The following TENM3 variants were observed in gnomAD, a reference collection of about 807,000 sequenced individuals.
The protein encoded by TENM3 is teneurin transmembrane protein 3.
TENM3 carries 63 observed loss-of-function variants against 255.1 expected under a neutral mutation model. The observed-to-expected ratio is 0.25, with a 90% CI of 0.20 to 0.30. TENM3 has a LOEUF of 0.30. TENM3 is among the 10% of genes least tolerant of loss of function. The probability of loss-of-function intolerance (pLI) is 1.00; values close to 1 mark genes in which losing one functional copy is unlikely to be tolerated. For synonymous variants in TENM3, 1,306 were observed against 1,322.3 expected (o/e 0.99, Z 0.27); for missense variants, 2,929 against 3,461.1 (o/e 0.85, Z 3.86).
At chr4:181,985,621 C>A in the TENM3 span, among the ~76,000 whole-genome samples, 1 of 152,094 alleles carries the variant, frequency 6.6e-6, no homozygotes, top group Non-Finnish European at 1.5e-5. Flanking sequence ...GTAAACCTCA[C>A]TTTGGATAAT....
chr4:181,962,727 T>C, the TENM3 span, among the ~76,000 whole-genome samples: 3 of 152,222 alleles, frequency 2.0e-5, no homozygotes, highest in Non-Finnish European at 4.4e-5. Context: ...CAGCCAAGTA[T>C]GTAGAAGACA....
At chr4:182,265,639 C>T (rs1418523316) in intron 1 of TENM3, among the ~76,000 whole-genome samples, 1 of 152,134 alleles carries the variant, frequency 6.6e-6, no homozygotes, top group South Asian at 2.1e-4. Context: ...ACCCTGAAGC[C>T]AGTCATCCAA....
the TENM3 span, among the ~76,000 whole-genome samples, chr4:181,704,683 T>C: frequency 6.6e-6 from 1 of 152,120 alleles, no homozygotes. Flanking sequence ...TGATTTGAGC[T>C]CTTTCTGCAT....
intron 2 of TENM3, among the ~76,000 whole-genome samples, chr4:182,338,826 G>A (rs1178715132): frequency 6.6e-6 from 1 of 151,984 alleles, no homozygotes; most frequent in Non-Finnish European, 1.5e-5. Context: ...ATTCAGACAT[G>A]TTGGAAATTG....
the TENM3 span, among the ~76,000 whole-genome samples, chr4:181,689,286 T>A: frequency 3.6e-3 from 548 of 152,350 alleles, 3 homozygotes; most frequent in African/African-American, 0.013. Context: ...AGCTATTTTT[T>A]AAAATCCAAT....
chr4:182,510,787 T>C (rs2151716104), intron 3 of TENM3, among the ~76,000 whole-genome samples: 1 of 152,338 alleles, frequency 6.6e-6, no homozygotes, highest in South Asian at 2.1e-4. Flanking sequence ...TCTTATTATA[T>C]ATTCTATCTT....
intron 3 of TENM3, among the ~76,000 whole-genome samples, chr4:182,444,568 A>G (rs986834522): frequency 3.3e-5 from 5 of 152,170 alleles, no homozygotes; most frequent in Admixed American, 3.3e-4. Flanking sequence ...TTTTTCCTCT[A>G]TAAGATTACA....
the TENM3 span, among the ~76,000 whole-genome samples, chr4:181,502,685 G>T: frequency 6.6e-6 from 1 of 152,164 alleles, no homozygotes; most frequent in Non-Finnish European, 1.5e-5. Context: ...TATGGGCCTG[G>T]CTTCCAGTAC....
At chr4:181,789,218 ATTTATTTTAT>A in the TENM3 span, among the ~76,000 whole-genome samples, 134 of 145,622 alleles carry the variant, frequency 9.2e-4, no homozygotes, top group African/African-American at 1.6e-3. Flanking sequence ...AGCCCCCTTT[ATTTATTTTAT>A]TTTATTTTAT....
intron 3 of TENM3, among the ~76,000 whole-genome samples, chr4:182,427,216 T>C (rs1220584913): frequency 6.6e-6 from 1 of 152,214 alleles, no homozygotes; most frequent in African/African-American, 2.4e-5. Context: ...TTGTTTGTTT[T>C]GTCTTTACAC....
At chr4:182,019,968 C>T in the TENM3 span, among the ~76,000 whole-genome samples, 1 of 152,086 alleles carries the variant, frequency 6.6e-6, no homozygotes, top group African/African-American at 2.4e-5. Context: ...AGCCACTGTG[C>T]CTAGCTGGGT....
chr4:181,514,196 G>C, the TENM3 span, among the ~76,000 whole-genome samples: 1 of 152,014 alleles, frequency 6.6e-6, no homozygotes, highest in Non-Finnish European at 1.5e-5. Flanking sequence ...CTATAACTCC[G>C]ACCCTTTCCA....
At chr4:181,563,348 G>C in the TENM3 span, among the ~76,000 whole-genome samples, 1 of 152,158 alleles carries the variant, frequency 6.6e-6, no homozygotes, top group African/African-American at 2.4e-5. Flanking sequence ...CTCACTATGT[G>C]TGTTTCTCTG....
the TENM3 span, among the ~76,000 whole-genome samples, chr4:181,637,617 C>G: frequency 2.0e-5 from 3 of 152,180 alleles, no homozygotes; most frequent in Non-Finnish European, 4.4e-5. Context: ...GCTCCACCCT[C>G]CTGACCTAAT....
At chr4:181,641,502 A>G in the TENM3 span, among the ~76,000 whole-genome samples, 2 of 135,636 alleles carry the variant, frequency 1.5e-5, no homozygotes, top group Admixed American at 1.6e-4. Flanking sequence ...GTCCCTGCAA[A>G]GGAAATGAAC....
At chr4:181,787,333 C>A in the TENM3 span, among the ~76,000 whole-genome samples, 1 of 148,850 alleles carries the variant, frequency 6.7e-6, no homozygotes, top group East Asian at 2.0e-4. Context: ...CATCTTGCTA[C>A]ATCCATCTTT....
intron 3 of TENM3, among the ~76,000 whole-genome samples, chr4:182,455,860 C>G (rs1773835798): frequency 6.6e-6 from 1 of 152,162 alleles, no homozygotes; most frequent in Admixed American, 6.5e-5. Context: ...CCGCACCCGG[C>G]CTTGCACAGC....
chr4:181,488,967 A>C, the TENM3 span, among the ~76,000 whole-genome samples: 2 of 152,188 alleles, frequency 1.3e-5, no homozygotes, highest in Admixed American at 1.3e-4. Context: ...TCTTCTTGCC[A>C]TGGCTGCCTT....
intron 6 of TENM3, among the ~76,000 whole-genome samples, chr4:182,656,357 A>G (rs1753745024): frequency 6.6e-6 from 1 of 152,196 alleles, no homozygotes; most frequent in South Asian, 2.1e-4. Context: ...CCAAAACCCT[A>G]AATTGTAAGG....
Sources: gnomAD v4.1 joint callset for allele counts (sites outside exome capture counted in the v4.1 genomes callset) on GRCh38, gnomAD v4.1.1 for gene constraint, MANE v1.5 for transcripts, NCBI Gene and HGNC (gene_info 2026-07-23, HGNC 2026-07-21) for gene names.